ARB2A: variants seen among roughly 807,000 people sequenced by gnomAD.
The protein encoded by ARB2A is ARB2 cotranscriptional regulator A, also known as cotranscriptional regulator ARB2A.
At chr5:93,983,170 GGTGTGTGTGTGTGTGTGTGTGT>G in the ARB2A span, among the ~76,000 whole-genome samples, 63 of 125,530 alleles carry the variant, frequency 5.0e-4, no homozygotes, top group South Asian at 1.5e-3. Flanking sequence ...GCTGTGGAGA[GGTGTGTGTGTGTGTGTGTGTGT>G]GTGTGTGTGT....
At chr5:93,704,333 G>A in the ARB2A span, among the ~76,000 whole-genome samples, 4 of 152,170 alleles carry the variant, frequency 2.6e-5, no homozygotes, top group African/African-American at 9.7e-5. Context: ...TACTGTGAGA[G>A]GCTGAGGCGG....
the ARB2A span, among the ~76,000 whole-genome samples, chr5:93,793,277 G>T: frequency 1.4e-5 from 1 of 72,784 alleles, no homozygotes; most frequent in Admixed American, 2.2e-4. Flanking sequence ...AGAAACAAGG[G>T]CTTACTATGT....
the ARB2A span, among the ~76,000 whole-genome samples, chr5:94,049,619 A>C: frequency 1.3e-5 from 2 of 151,612 alleles, no homozygotes; most frequent in Admixed American, 1.3e-4. Flanking sequence ...CTCTACTAAA[A>C]GTACAAAAAA....
the ARB2A span, among the ~76,000 whole-genome samples, chr5:93,650,015 G>A: frequency 6.6e-6 from 1 of 151,920 alleles, no homozygotes; most frequent in East Asian, 1.9e-4. Context: ...CATATAATAA[G>A]AACTTACTGA....
At chr5:94,041,220 C>G in the ARB2A span, among the ~76,000 whole-genome samples, 1 of 151,582 alleles carries the variant, frequency 6.6e-6, no homozygotes, top group South Asian at 2.1e-4. Context: ...TGCAGTGAAT[C>G]TAGTGTGCTT....
the ARB2A span, among the ~76,000 whole-genome samples, chr5:93,633,503 A>G: frequency 2.6e-5 from 4 of 152,092 alleles, no homozygotes; most frequent in African/African-American, 9.7e-5. Flanking sequence ...CATAACCTCA[A>G]CTCTGCTTGT....
chr5:93,772,200 G>A, the ARB2A span, among the ~76,000 whole-genome samples: 6 of 151,982 alleles, frequency 3.9e-5, no homozygotes, highest in African/African-American at 1.4e-4. Flanking sequence ...GTAAACTATC[G>A]CAAGAACAAA....
the ARB2A span, among the ~76,000 whole-genome samples, chr5:94,052,723 T>C: frequency 6.6e-6 from 1 of 152,190 alleles, no homozygotes; most frequent in African/African-American, 2.4e-5. Context: ...CTTTAAAACA[T>C]TGTCACAGAT....
At chr5:93,919,684 C>G in the ARB2A span, among the ~76,000 whole-genome samples, 4 of 152,108 alleles carry the variant, frequency 2.6e-5, no homozygotes, top group African/African-American at 9.7e-5. Context: ...TCAGAGCACT[C>G]CAATTTCTAT....
At chr5:94,074,710 C>A in the ARB2A span, 1 of 1,612,732 alleles carries the variant, frequency 6.2e-7, no homozygotes, top group Non-Finnish European at 8.5e-7. Context: ...CCATGTTTAT[C>A]CAAATTGGCA....
the ARB2A span, among the ~76,000 whole-genome samples, chr5:93,765,774 C>G: frequency 1.3e-5 from 2 of 152,132 alleles, no homozygotes; most frequent in African/African-American, 2.4e-5. Context: ...ATCACACTAC[C>G]TGACTTCAAA....
the ARB2A span, among the ~76,000 whole-genome samples, chr5:93,636,476 A>G: frequency 6.6e-6 from 1 of 152,188 alleles, no homozygotes; most frequent in Admixed American, 6.5e-5. Flanking sequence ...CACCCCAGAG[A>G]TCTCCTTCAC....
the ARB2A span, among the ~76,000 whole-genome samples, chr5:93,822,108 A>G: frequency 6.6e-6 from 1 of 152,292 alleles, no homozygotes; most frequent in Middle Eastern, 3.4e-3. Flanking sequence ...TACTGAGACC[A>G]TCTTGTCTCT....
the ARB2A span, among the ~76,000 whole-genome samples, chr5:93,708,069 T>C: frequency 1.6e-4 from 25 of 152,204 alleles, no homozygotes; most frequent in African/African-American, 6.0e-4. Context: ...GCCACATTCA[T>C]TTCATCTCTT....
the ARB2A span, among the ~76,000 whole-genome samples, chr5:93,786,917 G>GA: frequency 1.3e-5 from 2 of 152,078 alleles, no homozygotes; most frequent in Non-Finnish European, 2.9e-5. Context: ...AGCTGGGCAG[G>GA]AAAAAACCTT....
chr5:93,631,544 G>A, the ARB2A span, among the ~76,000 whole-genome samples: 1 of 152,132 alleles, frequency 6.6e-6, no homozygotes, highest in African/African-American at 2.4e-5. Flanking sequence ...AAGTAAACAA[G>A]GGAATCACAA....
chr5:93,995,794 C>T, the ARB2A span, among the ~76,000 whole-genome samples: 1 of 152,174 alleles, frequency 6.6e-6, no homozygotes, highest in Non-Finnish European at 1.5e-5. Context: ...GAGGGTAAAT[C>T]TCACGTTACG....
the ARB2A span, among the ~76,000 whole-genome samples, chr5:93,634,850 A>C: frequency 6.6e-6 from 1 of 151,796 alleles, no homozygotes; most frequent in African/African-American, 2.4e-5. Context: ...ATCTTGGCTC[A>C]CTGCAACCCC....
At chr5:93,818,507 G>A in the ARB2A span, among the ~76,000 whole-genome samples, 1 of 152,026 alleles carries the variant, frequency 6.6e-6, no homozygotes, top group African/African-American at 2.4e-5. Flanking sequence ...GCAAACAAGC[G>A]AACGTAAGCT....
Sources: gnomAD v4.1 joint callset for allele counts (sites outside exome capture counted in the v4.1 genomes callset) on GRCh38, gnomAD v4.1.1 for gene constraint, MANE v1.5 for transcripts, NCBI Gene and HGNC (gene_info 2026-07-23, HGNC 2026-07-21) for gene names.